SRL: variants seen among roughly 807,000 people sequenced by gnomAD.
SRL encodes the protein sarcalumenin.
SRL carries 23 observed loss-of-function variants against 39.5 expected under a neutral mutation model. The ratio of observed to expected loss-of-function variants is 0.58; its 90% CI spans 0.42 to 0.82. SRL has a LOEUF of 0.82. Among genes scored for constraint, SRL ranks in the 40% least tolerant of loss-of-function variants. The pLI is 0.00. For missense variants in SRL, 592 were observed against 607.8 expected (o/e 0.97, Z 0.27); for synonymous variants, 272 against 237.4 (o/e 1.15, Z -1.34).
At chr16:4,197,686 A>G (rs964071325) in intron 4 of SRL, 113 bp downstream of exon 4, 2 of 852,960 alleles carry the variant, frequency 2.3e-6, no homozygotes, top group African/African-American at 3.3e-5. Flanking sequence ...TTGGCCTCCC[A>G]ATGTGCTGGG....
At chr16:4,234,653 C>T (rs1481655903) in intron 1 of SRL, among the ~76,000 whole-genome samples, 1 of 152,230 alleles carries the variant, frequency 6.6e-6, no homozygotes, top group Non-Finnish European at 1.5e-5. Context: ...AAACTGCACC[C>T]ACCCCTGTCA....
At chr16:4,214,671 C>T (rs890396304) in intron 1 of SRL, among the ~76,000 whole-genome samples, 3 of 152,164 alleles carry the variant, frequency 2.0e-5, no homozygotes, top group Non-Finnish European at 4.4e-5. Flanking sequence ...ACTCGTGGAC[C>T]GGGCAAACGT....
intron 1 of SRL, among the ~76,000 whole-genome samples, chr16:4,230,602 T>G (rs1295555214): frequency 2.0e-5 from 3 of 151,804 alleles, no homozygotes; most frequent in Non-Finnish European, 4.4e-5. Flanking sequence ...TTGGCCAGGC[T>G]GGTCTTGAAC....
intron 1 of SRL, 58 bp from the exon 2 acceptor site, chr16:4,204,692 G>T: frequency 6.6e-7 from 1 of 1,516,706 alleles, no homozygotes; most frequent in South Asian, 1.1e-5. Context: ...CTGAGCTCTG[G>T]GCCCCGGCAC....
chr16:4,194,067 G>T (rs1013574273), intron 5 of SRL, among the ~76,000 whole-genome samples: 1 of 152,026 alleles, frequency 6.6e-6, no homozygotes, highest in South Asian at 2.1e-4. Context: ...GAGATCCACC[G>T]TCTGCTCACA....
intron 5 of SRL, among the ~76,000 whole-genome samples, chr16:4,193,751 T>G (rs2052097865): frequency 6.6e-6 from 1 of 152,020 alleles, no homozygotes. Context: ...TAGTTTTCTT[T>G]GCAAATAAGA....
rs182053553 is a variant in SRL, at chr16:4,210,260, C to T, written c.62-5626G>A. On this transcript the variant is annotated intron_variant, in intron 1 of 5. Transcript: ENST00000399609. ...ACCTACATCTCTATCTCTCCACCTT[C>T]CACCCCTGCAGAAAAATCTATGGTG... 2.9e-3 allele frequency among the ~76,000 whole-genome samples: 447 copies of T among 152,288 alleles called. 3 individuals are homozygous for T. The highest frequency in any genetic ancestry group is 0.016 in the South Asian group (78 of 4,826).
At chr16:4,208,543 G>A (rs1205572105) in intron 1 of SRL, among the ~76,000 whole-genome samples, 4 of 152,198 alleles carry the variant, frequency 2.6e-5, no homozygotes, top group Admixed American at 2.0e-4. Context: ...TTCCAAGAAG[G>A]GACAAATGCT....
At chr16:4,199,850 C>G (rs2052201464) in intron 3 of SRL, among the ~76,000 whole-genome samples, 1 of 151,860 alleles carries the variant, frequency 6.6e-6, no homozygotes, top group Non-Finnish European at 1.5e-5. Context: ...GTGCGTGCCA[C>G]CACGCCTGGC....
rs1376890752 is a variant in SRL, at chr16:4,190,234, T to G, written c.*1919A>C. The stretch of plus-strand genomic sequence containing the variant: ...AGAACCGGGAATTCCTAACTCGAGG[T>G]TCTCCTCATAGACCTAACCTGACTG... On this transcript the variant is annotated 3_prime_UTR_variant, in exon 6 of 6. Coordinates refer to ENST00000399609, the MANE Select transcript of SRL (RefSeq NM_001098814.2). 5.0e-6 allele frequency: 2 copies of G among 398,616 alleles called. No individual in the cohort carries two copies. The highest frequency in any genetic ancestry group is 8.8e-6 in the Non-Finnish European group (2 of 226,188). 24.7% of individuals were successfully genotyped at this position (398,616 alleles called of 1,614,324 possible). A position where few individuals can be genotyped will look rare whatever the true frequency, so the allele number is the denominator to read the frequency against.
intron 3 of SRL, among the ~76,000 whole-genome samples, chr16:4,202,071 G>A (rs537824129): frequency 1.3e-4 from 20 of 152,320 alleles, no homozygotes; most frequent in African/African-American, 4.3e-4. Context: ...GATTACAGGC[G>A]TGAGCCACCA....
rs79816254 is a variant in SRL, at chr16:4,238,230, G to A, written c.61+3777C>T. 9.9e-3 allele frequency among the ~76,000 whole-genome samples: 1,506 copies of A among 152,178 alleles called. 16 individuals are homozygous for A. Among genetic ancestry groups the A allele is most frequent in the African/African-American group, 0.034 (1,395 of 41,500 alleles). ...GAGAGAGAGCTAAGTAAGCCCAGGC[G>A]CTCCATCCCACAGCCATGGCCCTCC... On this transcript the variant is annotated intron_variant, in intron 1 of 5. Transcript: ENST00000399609.
chr16:4,215,947 G>C lies in SRL; in HGVS notation c.62-11313C>G, dbSNP rs147155030. Among the ~76,000 whole-genome samples, 559 of 152,070 alleles carry C rather than the reference G, an allele frequency of 3.7e-3. 2 individuals carry two copies. The highest frequency in any genetic ancestry group is 0.013 in the African/African-American group (521 of 41,468). On this transcript the variant is annotated intron_variant, in intron 1 of 5. Coordinates refer to ENST00000399609, the MANE Select transcript of SRL (RefSeq NM_001098814.2). Reference sequence around the variant, plus strand: ...GCTACTGGGGAGGCTGTGGTTGACGGACCTCTTGAGCCTAGGAGTTTGAAG... The same window carrying C: ...GCTACTGGGGAGGCTGTGGTTGACGCACCTCTTGAGCCTAGGAGTTTGAAG...
At chr16:4,228,731 TCTC>T (rs1329097383) in intron 1 of SRL, among the ~76,000 whole-genome samples, 14 of 148,514 alleles carry the variant, frequency 9.4e-5, no homozygotes, top group African/African-American at 3.0e-4. Context: ...CAAGACTCCG[TCTC>T]AAAAAAAAAA....
intron 1 of SRL, among the ~76,000 whole-genome samples, chr16:4,220,310 A>ACACACACACACACAC (rs1567185112): frequency 1.1e-3 from 53 of 49,186 alleles, no homozygotes; most frequent in African/African-American, 4.7e-3. Flanking sequence ...CACACACACA[A>ACACACACACACACAC]ATAACCGGGT....
intron 1 of SRL, among the ~76,000 whole-genome samples, chr16:4,205,160 CA>C (rs1020678631): frequency 2.7e-5 from 4 of 150,686 alleles, no homozygotes; most frequent in South Asian, 2.1e-4. Context: ...CCATCTCTAC[CA>C]AAAAAAAACT....
At chr16:4,202,601 A>G (rs534184027) in intron 3 of SRL, among the ~76,000 whole-genome samples, 1 of 152,154 alleles carries the variant, frequency 6.6e-6, no homozygotes, top group South Asian at 2.1e-4. Flanking sequence ...TCAAAAAAAA[A>G]AAAGCTGGAG....
chr16:4,208,756 C>CT (rs2052357184), intron 1 of SRL, among the ~76,000 whole-genome samples: 1 of 144,558 alleles, frequency 6.9e-6, no homozygotes, highest in African/African-American at 2.9e-5. Flanking sequence ...CATTTGCTGG[C>CT]CCCCCTACCT....
intron 1 of SRL, among the ~76,000 whole-genome samples, chr16:4,219,714 G>T (rs911810066): frequency 1.8e-4 from 27 of 152,134 alleles, no homozygotes; most frequent in African/African-American, 6.5e-4. Context: ...TCCCGCCTTG[G>T]CCTCCCAAAG....
Sources: allele counts gnomAD v4.1 joint callset (sites outside exome capture counted in the v4.1 genomes callset), GRCh38; gene constraint gnomAD v4.1.1; transcripts MANE v1.5; gene names NCBI Gene and HGNC (gene_info 2026-07-23, HGNC 2026-07-21).